The following SPAG16 variants were observed in gnomAD, a reference collection of about 807,000 sequenced individuals.
SPAG16 encodes sperm associated antigen 16.
A neutral mutation model predicts 80.4 loss-of-function variants in SPAG16; 86 were observed. That is an observed-to-expected ratio of 1.07 (90% CI 0.90 to 1.28). The LOEUF (loss-of-function observed/expected upper bound fraction) is 1.28, where lower values mean the gene tolerates loss of function less well. Ranked by LOEUF, SPAG16 falls within the 50% of genes most tolerant of loss-of-function variation. The pLI is 0.00. For synonymous variants in SPAG16, 294 were observed against 265.9 expected (o/e 1.11, Z -1.03); for missense variants, 870 against 765.3 (o/e 1.14, Z -1.61).
intron 15 of SPAG16, among the ~76,000 whole-genome samples, chr2:214,399,343 A>G (rs1387154555): frequency 6.6e-6 from 1 of 152,064 alleles, no homozygotes; most frequent in Non-Finnish European, 1.5e-5. Flanking sequence ...ATAACTATTA[A>G]TGGTGTAGTG....
At position 213,908,264 on chromosome 2, in the gene SPAG16, G is replaced by A. The variant is rs561227580; in HGVS notation, c.1215-21696G>A. ...GAAGAGGTAATAGTTCTGGCACAAG[G>A]CATGGGAGACCTTAGTCTGGAGGTT... On this transcript the variant is annotated intron_variant, in intron 11 of 15. Coordinates refer to ENST00000331683, the MANE Select transcript of SPAG16 (RefSeq NM_024532.5). Among the ~76,000 whole-genome samples the A allele has an allele frequency of 8.5e-5, 13 of 152,274 alleles. No individual in the cohort carries two copies. The South Asian group carries it at 2.7e-3, about 32-fold the overall frequency.
At chr2:214,195,680 A>G (rs13395398) in intron 15 of SPAG16, among the ~76,000 whole-genome samples, 24,152 of 151,888 alleles carry the variant, frequency 0.16, 2,748 homozygotes, top group African/African-American at 0.29. Flanking sequence ...CATTACTGAG[A>G]TGAAGAAGAC....
chr2:213,564,854 C>T (rs2059709523), intron 10 of SPAG16, among the ~76,000 whole-genome samples: 1 of 152,062 alleles, frequency 6.6e-6, no homozygotes, highest in Non-Finnish European at 1.5e-5. Context: ...CAGACTTGCC[C>T]AAGGTGAAAC....
rs1254285234 is a variant in SPAG16, at chr2:214,362,031, A to G, written c.1721-48109A>G. Among the ~76,000 whole-genome samples the G allele has an allele frequency of 2.0e-5, 3 of 151,854 alleles. No individual in the cohort carries two copies. In the Admixed American group the frequency reaches 2.0e-4, roughly 10 times the overall value. ...GAAGGATTATCAGTCAGGATTGTTT[A>G]CTGTGGTAACAAACAATCCCCAAAT... On this transcript the variant is annotated intron_variant, in intron 15 of 15. Coordinates refer to ENST00000331683, the MANE Select transcript of SPAG16 (RefSeq NM_024532.5).
At chr2:214,006,047 A>G (rs2047011422) in intron 12 of SPAG16, among the ~76,000 whole-genome samples, 1 of 152,220 alleles carries the variant, frequency 6.6e-6, no homozygotes, top group African/African-American at 2.4e-5. Context: ...TTTAAAATCC[A>G]GCTCTTACTA....
intron 9 of SPAG16, among the ~76,000 whole-genome samples, chr2:213,383,356 A>G (rs980310333): frequency 2.6e-5 from 4 of 152,130 alleles, no homozygotes; most frequent in Non-Finnish European, 4.4e-5. Flanking sequence ...CTCTTGACTT[A>G]TCTTCTAGCT....
At chr2:214,034,752 G>T (rs1014645717) in intron 13 of SPAG16, among the ~76,000 whole-genome samples, 1 of 152,190 alleles carries the variant, frequency 6.6e-6, no homozygotes, top group Non-Finnish European at 1.5e-5. Context: ...GAACTGCAAA[G>T]CCCCATAGAG....
At chr2:214,169,310 A>T (rs34340947) in intron 15 of SPAG16, among the ~76,000 whole-genome samples, 13 of 151,924 alleles carry the variant, frequency 8.6e-5, no homozygotes, top group African/African-American at 2.9e-4. Context: ...AAAGAACACA[A>T]TCATAATTTG....
intron 10 of SPAG16, among the ~76,000 whole-genome samples, chr2:213,731,591 A>C (rs1286107006): frequency 6.6e-6 from 1 of 151,992 alleles, no homozygotes. Flanking sequence ...CCAGGTATTA[A>C]GCCCATCTTC....
intron 11 of SPAG16, among the ~76,000 whole-genome samples, chr2:213,927,837 T>C (rs1428008462): frequency 6.6e-6 from 1 of 152,190 alleles, no homozygotes; most frequent in African/African-American, 2.4e-5. Context: ...TGGTCCATAA[T>C]AACATGATAC....
At chr2:213,968,421 G>C (rs750652701) in intron 12 of SPAG16, among the ~76,000 whole-genome samples, 6 of 152,160 alleles carry the variant, frequency 3.9e-5, no homozygotes, top group Non-Finnish European at 8.8e-5. Context: ...TTGAACTCCT[G>C]ACCTCAAGTG....
intron 12 of SPAG16, among the ~76,000 whole-genome samples, chr2:213,959,802 C>T (rs1034307044): frequency 1.3e-5 from 2 of 152,136 alleles, no homozygotes; most frequent in African/African-American, 4.8e-5. Context: ...TTTGTCTCAC[C>T]TGACACGCAC....
chr2:214,098,541 G>T (rs1466793566), intron 13 of SPAG16, among the ~76,000 whole-genome samples: 1 of 152,016 alleles, frequency 6.6e-6, no homozygotes, highest in Non-Finnish European at 1.5e-5. Context: ...CAAGTGGAAG[G>T]ACTCATAATG....
chr2:214,311,926 C>T (rs1246944585), intron 15 of SPAG16, among the ~76,000 whole-genome samples: 1 of 152,076 alleles, frequency 6.6e-6, no homozygotes, highest in Non-Finnish European at 1.5e-5. Context: ...TGGATCCCAC[C>T]CTCATACACC....
intron 12 of SPAG16, among the ~76,000 whole-genome samples, chr2:213,973,410 G>A (rs1442386308): frequency 1.3e-5 from 2 of 151,936 alleles, no homozygotes; most frequent in African/African-American, 2.4e-5. Flanking sequence ...ATATGAAACA[G>A]AAACAAGAAC....
rs1559394275 is a variant in SPAG16, at chr2:213,705,794, TG to T, written c.1071-156690del. ...CCAATCATGGTGGAGGGTTTGTTGT[TG>T]TTGTTGTTGTTGTTGTTGTTAAGTA... On this transcript the variant is annotated intron_variant, in intron 10 of 15. Transcript: ENST00000331683. Among the ~76,000 whole-genome samples the T allele has an allele frequency of 3.0e-3, 402 of 133,594 alleles. 2 individuals carry two copies. The highest frequency in any genetic ancestry group is 0.014 in the African/African-American group (365 of 25,226). 87.6% of individuals were successfully genotyped at this position (133,594 alleles called of 152,430 possible).
intron 15 of SPAG16, among the ~76,000 whole-genome samples, chr2:214,186,759 G>GT (rs1303788623): frequency 6.6e-6 from 1 of 151,400 alleles, no homozygotes; most frequent in East Asian, 2.0e-4. Context: ...TTGTTTTTTT[G>GT]TTTTTTTGTT....
intron 10 of SPAG16, among the ~76,000 whole-genome samples, chr2:213,685,612 CA>C (rs147322591): frequency 0.049 from 7,445 of 152,172 alleles, 586 homozygotes; most frequent in African/African-American, 0.17. Context: ...GTGTAGATTG[CA>C]AAGGAAGAAT....
intron 12 of SPAG16, among the ~76,000 whole-genome samples, chr2:213,943,339 G>GA (rs2079293829): frequency 6.6e-6 from 1 of 152,136 alleles, no homozygotes; most frequent in South Asian, 2.1e-4. Flanking sequence ...TTTTAAATGT[G>GA]AATCTGGTAA....
Sources: allele counts gnomAD v4.1 joint callset (sites outside exome capture counted in the v4.1 genomes callset), GRCh38; gene constraint gnomAD v4.1.1; transcripts MANE v1.5; gene names NCBI Gene and HGNC (gene_info 2026-07-23, HGNC 2026-07-21).